The following SCFD2 variants were observed in gnomAD, a reference collection of about 807,000 sequenced individuals.
SCFD2 encodes sec1 family domain-containing protein 2.
SCFD2 carries 54 observed loss-of-function variants against 58.9 expected under a neutral mutation model. That is an observed-to-expected ratio of 0.92 (90% confidence interval 0.74 to 1.15). SCFD2 has a LOEUF of 1.15. SCFD2 is among the 50% of genes most tolerant of loss of function. The pLI, the probability that SCFD2 is intolerant of heterozygous loss-of-function variation, is 0.00. For missense variants in SCFD2, 805 were observed against 836.6 expected, an observed-to-expected ratio of 0.96 and a Z score of 0.47; for synonymous variants, 321 against 335.9, an observed-to-expected ratio of 0.96 and a Z score of 0.49.
chr4:53,138,082 C>T (rs1725996665), intron 5 of SCFD2, among the ~76,000 whole-genome samples: 2 of 152,068 alleles, frequency 1.3e-5, no homozygotes, highest in Admixed American at 1.3e-4. Flanking sequence ...GAAGCACTAC[C>T]CTATATGACA....
rs184216076 is a variant in SCFD2 at position 53,036,771 on chromosome 4, A to T, written c.1561+108562T>A. 2.1e-3 allele frequency among the ~76,000 whole-genome samples: 316 copies of T among 152,300 alleles called. 1 individual carries two copies. The highest frequency in any genetic ancestry group is 3.4e-3 in the Non-Finnish European group (231 of 68,030). Reference sequence around the variant, plus strand: ...GACAGGTTGATGGGTGCAGCAAACCACCATGGCACATGTATACCTATGTAA... The same window carrying T: ...GACAGGTTGATGGGTGCAGCAAACCTCCATGGCACATGTATACCTATGTAA... On this transcript the variant is annotated intron_variant, in intron 5 of 8. Coordinates refer to ENST00000401642, the MANE Select transcript of SCFD2 (RefSeq NM_152540.4).
At chr4:52,968,780 G>A (rs1347415135) in intron 5 of SCFD2, among the ~76,000 whole-genome samples, 1 of 152,148 alleles carries the variant, frequency 6.6e-6, no homozygotes, top group Non-Finnish European at 1.5e-5. Context: ...GTATATGTGT[G>A]TGTTGTGCTC....
chr4:53,254,860 ATTTATTTTATTTTAT>A (rs1553892785), intron 4 of SCFD2, among the ~76,000 whole-genome samples: 1 of 47,514 alleles, frequency 2.1e-5, no homozygotes, highest in Non-Finnish European at 4.2e-5. Flanking sequence ...ATTTTATTTT[ATTTATTTTATTTTAT>A]TTTATTTTAT....
chr4:53,065,798 T>A (rs113104073), intron 5 of SCFD2, among the ~76,000 whole-genome samples: 6 of 152,070 alleles, frequency 3.9e-5, no homozygotes, highest in Non-Finnish European at 7.4e-5. Context: ...TACCATACTA[T>A]GTATTTGTCA....
At chr4:53,251,196 C>T (rs550039154) in intron 4 of SCFD2, among the ~76,000 whole-genome samples, 1 of 152,186 alleles carries the variant, frequency 6.6e-6, no homozygotes, top group African/African-American at 2.4e-5. Context: ...GAAGTTGAAT[C>T]TCTGAATGGA....
At chr4:53,108,090 A>T (rs960022144) in intron 5 of SCFD2, among the ~76,000 whole-genome samples, 2 of 152,220 alleles carry the variant, frequency 1.3e-5, no homozygotes, top group African/African-American at 4.8e-5. Flanking sequence ...CCACAACTAC[A>T]TGAAAGCTGA....
intron 2 of SCFD2, among the ~76,000 whole-genome samples, chr4:53,340,738 G>A (rs1443839025): frequency 6.6e-6 from 1 of 152,212 alleles, no homozygotes; most frequent in African/African-American, 2.4e-5. Context: ...ACCTCACACA[G>A]CTGGGTGCCT....
intron 3 of SCFD2, among the ~76,000 whole-genome samples, chr4:53,311,643 AT>A (rs60003479): frequency 1.5e-4 from 22 of 150,276 alleles, no homozygotes; most frequent in East Asian, 3.9e-4. Context: ...TTGATTCACA[AT>A]TTTTTTTTTT....
intron 6 of SCFD2, among the ~76,000 whole-genome samples, chr4:52,918,138 A>G (rs1279551794): frequency 7.1e-6 from 1 of 141,434 alleles, no homozygotes; most frequent in Admixed American, 7.6e-5. Flanking sequence ...AGCTGGGTAG[A>G]AAGCATAGAT....
chr4:53,265,926 G>A (rs1411731519), intron 4 of SCFD2, among the ~76,000 whole-genome samples: 1 of 150,654 alleles, frequency 6.6e-6, no homozygotes, highest in East Asian at 2.0e-4. Context: ...TTCATTTTTA[G>A]TACAGACAAG....
chr4:53,079,067 AT>A (rs1363164274), intron 5 of SCFD2, among the ~76,000 whole-genome samples: 1 of 152,150 alleles, frequency 6.6e-6, no homozygotes, highest in East Asian at 1.9e-4. Context: ...GAGAGGTCCC[AT>A]GATCTTTCCT....
intron 4 of SCFD2, among the ~76,000 whole-genome samples, chr4:53,171,956 A>ATTATTTAT (rs139737323): frequency 6.7e-6 from 1 of 149,424 alleles, no homozygotes; most frequent in Non-Finnish European, 1.5e-5. Context: ...CATTGATTTG[A>ATTATTTAT]TTATTTATTT....
intron 5 of SCFD2, among the ~76,000 whole-genome samples, chr4:53,007,403 A>AAGGAAGGAAGGG (rs1271004954): frequency 2.6e-5 from 3 of 116,810 alleles, no homozygotes; most frequent in East Asian, 2.6e-4. Flanking sequence ...GGAAGGAAGG[A>AAGGAAGGAAGGG]AGGGAGGGAG....
At chr4:53,017,396 C>A (rs1350278232) in intron 5 of SCFD2, among the ~76,000 whole-genome samples, 2 of 151,968 alleles carry the variant, frequency 1.3e-5, no homozygotes, top group African/African-American at 4.8e-5. Context: ...GGTAACTCAC[C>A]CAAAGTTCTG....
intron 2 of SCFD2, among the ~76,000 whole-genome samples, chr4:53,327,243 C>G (rs1183085070): frequency 6.6e-6 from 1 of 151,776 alleles, no homozygotes; most frequent in Non-Finnish European, 1.5e-5. Flanking sequence ...CACAAAGGGC[C>G]CAAGAGGGTG....
Position 53,300,877 on chromosome 4 carries a change from A to C in SCFD2, c.1135+12759T>G, listed in dbSNP as rs144777971. On this transcript the variant is annotated intron_variant, in intron 3 of 8. Coordinates refer to ENST00000401642, the MANE Select transcript of SCFD2 (RefSeq NM_152540.4). The stretch of plus-strand genomic sequence containing the variant: ...GGGTAAATAATGAAATGAAGGCAGA[A>C]ATAAAGATGTTCTTTGAAACCAACG... 8.9e-3 allele frequency among the ~76,000 whole-genome samples: 1,355 copies of C among 152,354 alleles called. 23 individuals are homozygous for C. Among genetic ancestry groups the C allele is most frequent in the African/African-American group, 0.031 (1,283 of 41,580 alleles).
intron 4 of SCFD2, 120 bp from the exon 5 acceptor site, chr4:53,145,702 C>G: frequency 1.1e-6 from 1 of 901,072 alleles, no homozygotes; most frequent in Non-Finnish European, 1.6e-6. Flanking sequence ...GACTGCATCA[C>G]TTTTTATTTG....
chr4:53,359,602 G>T (rs1734495669), intron 1 of SCFD2, among the ~76,000 whole-genome samples: 7 of 152,148 alleles, frequency 4.6e-5, no homozygotes, highest in Admixed American at 4.6e-4. Context: ...TTTAGAAGTT[G>T]TTGGTACAAT....
At chr4:53,039,289 C>A (rs892002585) in intron 5 of SCFD2, among the ~76,000 whole-genome samples, 3 of 152,054 alleles carry the variant, frequency 2.0e-5, no homozygotes, top group African/African-American at 7.2e-5. Context: ...CTTTCTCATC[C>A]TTTGTTCTCT....
Sources: gnomAD v4.1 joint callset for allele counts (sites outside exome capture counted in the v4.1 genomes callset) on GRCh38, gnomAD v4.1.1 for gene constraint, MANE v1.5 for transcripts, NCBI Gene and HGNC (gene_info 2026-07-23, HGNC 2026-07-21) for gene names.